The following ATP6V1A variants were observed in gnomAD, a reference collection of about 807,000 sequenced individuals.
The protein encoded by ATP6V1A is ATPase H+ transporting V1 subunit A, also known as V-type proton ATPase catalytic subunit A.
Under a neutral mutation model 70.1 loss-of-function variants are expected in ATP6V1A, and 18 were observed. That is an observed-to-expected ratio of 0.26 (90% CI 0.18 to 0.38). The LOEUF is 0.38. Ranked by LOEUF, ATP6V1A falls within the 10% of genes least tolerant of loss-of-function variation. The probability of loss-of-function intolerance (pLI) is 1.00; values close to 1 mark genes in which losing one functional copy is unlikely to be tolerated. For missense variants in ATP6V1A, 424 were observed against 772.4 expected, an observed-to-expected ratio of 0.55 and a Z score of 5.35; for synonymous variants, 232 against 253.8, an observed-to-expected ratio of 0.91 and a Z score of 0.82.
intron 1 of ATP6V1A, among the ~76,000 whole-genome samples, chr3:113,750,336 G>A (rs945813983): frequency 3.3e-5 from 5 of 152,154 alleles, no homozygotes; most frequent in African/African-American, 1.2e-4. Flanking sequence ...AAAAAAATTA[G>A]CCAGGCATGG....
intron 1 of ATP6V1A, among the ~76,000 whole-genome samples, chr3:113,770,238 C>A (rs1412135120): frequency 6.6e-6 from 1 of 152,030 alleles, no homozygotes; most frequent in Admixed American, 6.6e-5. Context: ...TTGGTAGAGG[C>A]AGGGTTTCAC....
At chr3:113,803,262 G>A (rs1709236411) in intron 12 of ATP6V1A, 1 of 197,050 alleles carries the variant, frequency 5.1e-6, no homozygotes, top group East Asian at 1.2e-4. Flanking sequence ...GGGGCTGGGG[G>A]AGGAGAGAAA....
At chr3:113,780,254 C>G (rs1216381998) in intron 2 of ATP6V1A, among the ~76,000 whole-genome samples, 3 of 152,098 alleles carry the variant, frequency 2.0e-5, no homozygotes, top group Admixed American at 2.0e-4. Flanking sequence ...GAAGTATTAC[C>G]TATAACATAG....
chr3:113,762,423 C>T (rs979322379), intron 1 of ATP6V1A, among the ~76,000 whole-genome samples: 11 of 152,102 alleles, frequency 7.2e-5, no homozygotes, highest in African/African-American at 2.7e-4. Context: ...ACAAAATTAG[C>T]TGGGCGTGGT....
At chr3:113,790,047 A>G (rs1190107533) in intron 8 of ATP6V1A, among the ~76,000 whole-genome samples, 1 of 152,162 alleles carries the variant, frequency 6.6e-6, no homozygotes, top group South Asian at 2.1e-4. Flanking sequence ...AGGCCGGCAG[A>G]TCACTTGAGG....
intron 6 of ATP6V1A, 65 bp from the exon 7 acceptor site, chr3:113,788,648 C>T: frequency 1.3e-6 from 2 of 1,527,044 alleles, no homozygotes; most frequent in East Asian, 4.6e-5. Flanking sequence ...CGCGCCCGGC[C>T]CCTACTTTAT....
In ATP6V1A at chr3:113,786,360, G is replaced by T. The variant is rs1419073540; in HGVS notation, c.693G>T (p.Gln231His). 3 of 1,613,736 alleles carry T rather than the reference G, an allele frequency of 1.9e-6. No homozygotes were observed. The highest frequency in any genetic ancestry group is 2.5e-6 in the Non-Finnish European group (3 of 1,179,818). The change falls in exon 6 of 15, where the codon CAG becomes CAT. Residue 231 changes from glutamine (Q) to histidine (H), a missense_variant. Transcript: ENST00000273398. ...CCAATCATCCTCTGTTGACTGGCCA[G>T]AGAGTCCTTGATGCCCTTTTTCCGT... ...LPANHPLLTG[Q>H]RVLDALFPCV...
Position 113,811,322 on chromosome 3 carries a change from CAT to C in ATP6V1A, c.*1896_*1897del, listed in dbSNP as rs1394199935. ...GTTTTGTTTAAATTCTTGCAGATTACATGTTTTTACAGTGGCCTGCTATTGAG... is the reference window on the plus strand; with the variant it reads ...GTTTTGTTTAAATTCTTGCAGATTACGTTTTTACAGTGGCCTGCTATTGAG... On this transcript the variant is annotated 3_prime_UTR_variant, in exon 15 of 15. Transcript: ENST00000273398. The C allele has an allele frequency of 6.6e-6, 1 of 152,582 alleles. No homozygotes were observed. The highest frequency in any genetic ancestry group is 2.4e-5 in the African/African-American group (1 of 41,436). 9.5% of individuals were successfully genotyped at this position (152,582 alleles called of 1,614,324 possible).
chr3:113,777,734 C>T (rs572295582), intron 1 of ATP6V1A, among the ~76,000 whole-genome samples: 5 of 152,152 alleles, frequency 3.3e-5, no homozygotes, highest in Admixed American at 2.6e-4. Flanking sequence ...GCCAAATCGA[C>T]GGAGACAGAC....
intron 11 of ATP6V1A, among the ~76,000 whole-genome samples, chr3:113,796,309 G>T (rs1447642529): frequency 6.6e-6 from 1 of 152,130 alleles, no homozygotes; most frequent in Non-Finnish European, 1.5e-5. Flanking sequence ...ATGATCCAAG[G>T]CTCTCTTCTG....
Position 113,798,300 on chromosome 3 carries a change from T to C in ATP6V1A, c.1348T>C (p.Trp450Arg). Residue 450 changes from tryptophan to arginine, a missense_variant, in exon 12 of 15, where the codon TGG becomes CGG. Coordinates refer to ENST00000273398, the MANE Select transcript of ATP6V1A (RefSeq NM_001690.4). ...ACGTAAGCATTTCCCCTCTGTCAAT[T>C]GGCTCATCAGCTACAGCAAGTATAT... ...AQRKHFPSVN[W>R]LISYSKYMRA... 1 of 1,614,012 alleles carries C rather than the reference T, an allele frequency of 6.2e-7. No homozygotes were observed. Among genetic ancestry groups the C allele is most frequent in the Non-Finnish European group, 8.5e-7 (1 of 1,180,008 alleles).
intron 1 of ATP6V1A, among the ~76,000 whole-genome samples, chr3:113,750,233 G>A (rs1708570436): frequency 6.6e-6 from 1 of 152,128 alleles, no homozygotes; most frequent in African/African-American, 2.4e-5. Flanking sequence ...TAATCCCAGT[G>A]CTTTGGGAGG....
chr3:113,754,459 G>A (rs1708624974), intron 1 of ATP6V1A, among the ~76,000 whole-genome samples: 1 of 152,062 alleles, frequency 6.6e-6, no homozygotes. Flanking sequence ...CTTGATCCCG[G>A]GGCATTCAAG....
At position 113,809,539 on chromosome 3, in the gene ATP6V1A, A is replaced by T; in HGVS notation, c.*112A>T. ...TGCTTCTTTATTGTGCAGCTTTGAGACTAGTGCCTATGTGTGTTATTTGTT... is the reference window on the plus strand; with the variant it reads ...TGCTTCTTTATTGTGCAGCTTTGAGTCTAGTGCCTATGTGTGTTATTTGTT... On this transcript the variant is annotated 3_prime_UTR_variant, in exon 15 of 15. Transcript: ENST00000273398. 1 of 875,144 alleles carries T rather than the reference A, an allele frequency of 1.1e-6. No homozygotes were observed. The highest frequency in any genetic ancestry group is 1.7e-5 in the African/African-American group (1 of 57,962). 54.2% of individuals were successfully genotyped at this position (875,144 alleles called of 1,614,324 possible).
In ATP6V1A at chr3:113,800,491, T is replaced by C. The variant is rs1454546381; in HGVS notation, c.1494+2045T>C. Among the ~76,000 whole-genome samples, 4 of 152,072 alleles carry C rather than the reference T, an allele frequency of 2.6e-5. No homozygotes were observed. The East Asian group carries it at 7.7e-4, about 29-fold the overall frequency. On this transcript the variant is annotated intron_variant, in intron 12 of 14. Transcript: ENST00000273398. ...GTATAAACGATTGATATTGCAAAGATGGTACCGAAAATCAAGGGAGGAGAG... is the reference window on the plus strand; with the variant it reads ...GTATAAACGATTGATATTGCAAAGACGGTACCGAAAATCAAGGGAGGAGAG...
At chr3:113,798,489 CTG>C (rs1454249054) in intron 12 of ATP6V1A, 43 bp downstream of exon 12, 1 of 1,596,686 alleles carries the variant, frequency 6.3e-7, no homozygotes, top group Non-Finnish European at 8.6e-7. Context: ...GTGGGTTACA[CTG>C]GGGTGTTTCA....
intron 1 of ATP6V1A, among the ~76,000 whole-genome samples, chr3:113,772,544 A>G (rs1484641885): frequency 6.6e-6 from 1 of 152,030 alleles, no homozygotes; most frequent in Non-Finnish European, 1.5e-5. Flanking sequence ...TGGCTAACAC[A>G]GTGAAATCCC....
intron 6 of ATP6V1A, 27 bp from the exon 7 acceptor site, chr3:113,788,686 A>G (rs1262789849): frequency 3.1e-6 from 5 of 1,603,272 alleles, no homozygotes; most frequent in Non-Finnish European, 4.3e-6. Flanking sequence ...CAAGTCAAGT[A>G]ATCCATACTT....
intron 13 of ATP6V1A, among the ~76,000 whole-genome samples, chr3:113,804,808 G>A (rs1376713392): frequency 1.3e-5 from 2 of 152,246 alleles, no homozygotes; most frequent in Non-Finnish European, 2.9e-5. Context: ...GTATGTGACT[G>A]AAGTTGAATA....
Sources: allele counts gnomAD v4.1 joint callset (sites outside exome capture counted in the v4.1 genomes callset), GRCh38; gene constraint gnomAD v4.1.1; transcripts MANE v1.5; gene names NCBI Gene and HGNC (gene_info 2026-07-23, HGNC 2026-07-21).